The following LRRC4B variants were observed in gnomAD, a reference collection of about 807,000 sequenced individuals.
LRRC4B encodes leucine rich repeat containing 4B, also known as leucine-rich repeat-containing protein 4B.
In LRRC4B, 1 loss-of-function variant was observed where a neutral mutation model predicts 7.3. The observed-to-expected ratio is 0.14, with a 90% CI of 0.05 to 0.65. The LOEUF (loss-of-function observed/expected upper bound fraction) is 0.65, where lower values mean the gene tolerates loss of function less well. Ranked by LOEUF, LRRC4B falls within the 30% of genes least tolerant of loss-of-function variation. The pLI is 0.84. For synonymous variants in LRRC4B, 500 were observed against 499.2 expected (o/e 1.00, Z -0.02); for missense variants, 730 against 1,041.6 (o/e 0.70, Z 4.12).
At chr19:50,562,524 C>T (rs375891713) in intron 1 of LRRC4B, among the ~76,000 whole-genome samples, 25 of 152,184 alleles carry the variant, frequency 1.6e-4, no homozygotes, top group African/African-American at 4.8e-4. Flanking sequence ...ATCTCCTCTG[C>T]GTTTACCCCC....
Position 50,518,472 on chromosome 19 carries a change from G to C in LRRC4B, c.1241C>G (p.Ser414Cys). Residue 414 changes from serine (S) to cysteine (C), a missense_variant, in exon 3 of 3, where the codon TCC becomes TGC. By Grantham distance (112) the Ser-to-Cys change is moderately radical. This residue lies in a region of LRRC4B where 226 missense variants were observed against 448.0 expected (regional missense o/e 0.50). Transcript: ENST00000652263. Reference protein sequence around the residue: ...MTHGSYRVRISVLHDGTLNFT... With the variant: ...MTHGSYRVRICVLHDGTLNFT... ...GTTAAGCGTGCCGTCATGCAGGACG[G>C]AGATGCGCACGCGGTAGGAGCCGTG... 1 of 1,556,446 alleles carries C rather than the reference G, an allele frequency of 6.4e-7. No homozygotes were observed. The highest frequency in any genetic ancestry group is 8.7e-7 in the Non-Finnish European group (1 of 1,150,726).
chr19:50,548,490 G>T lies in LRRC4B; in HGVS notation c.297+52C>A. On this transcript the variant is annotated intron_variant, in intron 2 of 2. Transcript: ENST00000652263. The surrounding 1 kb of genome is among the most constrained non-coding windows in gnomAD (Gnocchi z 6.8). ...CAGAAGGGATGGGCTACATCTGCAT[G>T]CCTCCCCAGTGTCCCCTCCAAGGTC... 6.5e-7 allele frequency: 1 copy of T among 1,547,658 alleles called. No homozygotes were observed. The highest frequency in any genetic ancestry group is 1.2e-5 in the South Asian group (1 of 84,904).
intron 1 of LRRC4B, 140 bp from the exon 2 acceptor site, chr19:50,549,013 C>T: frequency 1.7e-6 from 1 of 577,712 alleles, no homozygotes; most frequent in South Asian, 2.3e-5. Context: ...AGGGAGACAG[C>T]TGCCGATGGA....
In LRRC4B at chr19:50,544,432, G is replaced by A. The variant is rs562744472; in HGVS notation, c.297+4110C>T. On this transcript the variant is annotated intron_variant, in intron 2 of 2. Coordinates refer to ENST00000652263, the MANE Select transcript of LRRC4B (RefSeq NM_001080457.2). ...TGAGGCAGGAGAATGGCGTGAACCC[G>A]GGAGGCGGAGCTTGCAGTGAGCCGA... Among the ~76,000 whole-genome samples, 54 of 151,814 alleles carry A rather than the reference G, an allele frequency of 3.6e-4. No homozygotes were observed. The South Asian group carries it at 8.1e-3, about 23-fold the overall frequency.
chr19:50,538,589 G>A (rs142308697), intron 2 of LRRC4B, among the ~76,000 whole-genome samples: 10,614 of 101,390 alleles, frequency 0.1, 581 homozygotes, highest in Middle Eastern at 0.22. Flanking sequence ...TTTTTTTTGA[G>A]ACAGAGTCTT....
intron 2 of LRRC4B, among the ~76,000 whole-genome samples, chr19:50,536,519 G>A (rs148020654): frequency 0.012 from 1,784 of 152,254 alleles, 22 homozygotes; most frequent in Middle Eastern, 0.054. Context: ...TCTGGGCCTC[G>A]GGTGGTGCCT....
chr19:50,558,733 A>G (rs1291246022), intron 1 of LRRC4B, among the ~76,000 whole-genome samples: 2 of 152,208 alleles, frequency 1.3e-5, no homozygotes, highest in Non-Finnish European at 2.9e-5. Context: ...TGTGGCAGCT[A>G]CTGTGTTGGA....
chr19:50,539,833 A>G (rs1253884986), intron 2 of LRRC4B, among the ~76,000 whole-genome samples: 1 of 150,726 alleles, frequency 6.6e-6, no homozygotes, highest in Admixed American at 6.7e-5. Flanking sequence ...GTTGCAGTGA[A>G]CCGAGATCGC....
At chr19:50,565,173 C>A (rs1000829185) in intron 1 of LRRC4B, among the ~76,000 whole-genome samples, 24 of 152,272 alleles carry the variant, frequency 1.6e-4, no homozygotes, top group African/African-American at 5.1e-4. Context: ...CGCTGGCACT[C>A]GGTTTGGTGT....
intron 1 of LRRC4B, among the ~76,000 whole-genome samples, chr19:50,558,218 CACACACACAT>C (rs1365175027): frequency 1.8e-4 from 26 of 144,310 alleles, no homozygotes; most frequent in African/African-American, 5.2e-4. Context: ...CACACACACA[CACACACACAT>C]ACACACACAC....
chr19:50,538,806 C>T (rs781317785), intron 2 of LRRC4B, among the ~76,000 whole-genome samples: 8 of 151,332 alleles, frequency 5.3e-5, no homozygotes, highest in Non-Finnish European at 1.0e-4. Context: ...TGAGCTCAAG[C>T]GATCCACCTG....
chr19:50,524,354 G>A (rs560306603), intron 2 of LRRC4B, among the ~76,000 whole-genome samples: 5 of 152,240 alleles, frequency 3.3e-5, no homozygotes, highest in African/African-American at 1.2e-4. Flanking sequence ...CAAGTGATCT[G>A]CTCGCCTCAG....
chr19:50,541,761 C>T (rs1981560007), intron 2 of LRRC4B, among the ~76,000 whole-genome samples: 1 of 152,304 alleles, frequency 6.6e-6, no homozygotes, highest in African/African-American at 2.4e-5. Flanking sequence ...TATCCTACGG[C>T]CCGGCAATTC....
At chr19:50,566,088 AGGAAGGTG>A (rs1982619298) in intron 1 of LRRC4B, among the ~76,000 whole-genome samples, 1 of 148,860 alleles carries the variant, frequency 6.7e-6, no homozygotes, top group Non-Finnish European at 1.5e-5. Flanking sequence ...GAGGAGGAGG[AGGAAGGTG>A]GGAAGGCGAA....
chr19:50,540,425 C>G lies in LRRC4B; in HGVS notation c.297+8117G>C, dbSNP rs562931690. On this transcript the variant is annotated intron_variant, in intron 2 of 2. Coordinates refer to ENST00000652263, the MANE Select transcript of LRRC4B (RefSeq NM_001080457.2). ...TTGCCTAGGCTGGAGTGCAGTGGCA[C>G]GATCTCAGCACACTACAACCTCCGC... Among the ~76,000 whole-genome samples, 3 of 152,246 alleles carry G rather than the reference C, an allele frequency of 2.0e-5. No homozygotes were observed. The East Asian group carries it at 5.8e-4, about 29-fold the overall frequency.
chr19:50,535,553 T>A (rs1244551747), intron 2 of LRRC4B, among the ~76,000 whole-genome samples: 1 of 152,236 alleles, frequency 6.6e-6, no homozygotes, highest in Admixed American at 6.5e-5. Context: ...GTTAATTTTT[T>A]TACATTCAGA....
Position 50,558,216 on chromosome 19 carries a change from CACACACACACAT to C in LRRC4B, c.-35-9355_-35-9344del, listed in dbSNP as rs1161825161. ...CTGTATACATACACACACACACACA[CACACACACACAT>C]ACACACACACATACATACATACACA... On this transcript the variant is annotated intron_variant, in intron 1 of 2. Coordinates refer to ENST00000652263, the MANE Select transcript of LRRC4B (RefSeq NM_001080457.2). Among the ~76,000 whole-genome samples the C allele has an allele frequency of 1.7e-3, 254 of 146,670 alleles. 1 individual carries two copies. The highest frequency in any genetic ancestry group is 2.7e-3 in the African/African-American group (101 of 36,756).
rs77648684 is a variant in LRRC4B, at chr19:50,550,598, C to T, written c.-35-1725G>A. Among the ~76,000 whole-genome samples the T allele has an allele frequency of 1.2e-3, 180 of 152,204 alleles. 4 individuals are homozygous for T. In the East Asian group the frequency reaches 0.026, roughly 22 times the overall value. On this transcript the variant is annotated intron_variant, in intron 1 of 2. Transcript: ENST00000652263. ...ACCCAGATAAAAATGTGTGTGCATA[C>T]GTCTGTGTATCTGAGTGCATGTGTG...
Position 50,518,066 on chromosome 19 carries a change from C to T in LRRC4B, c.1647G>A (p.Thr549=), listed in dbSNP as rs1286246791. The change falls in exon 3 of 3, where the codon ACG becomes ACA. Residue 549 remains threonine, a synonymous_variant. Coordinates refer to ENST00000652263, the MANE Select transcript of LRRC4B (RefSeq NM_001080457.2). The stretch of plus-strand genomic sequence containing the variant: ...TGATGGGCACCGTGAACGCCTTCTC[C>T]GTGGGCCGCGAGGAGCGCGGGGCGG... The part of the protein sequence containing the change: ...TAPAPRSSRP[T]EKAFTVPITD... 2 of 1,588,670 alleles carry T rather than the reference C, an allele frequency of 1.3e-6. No homozygotes were observed. Among genetic ancestry groups the T allele is most frequent in the Admixed American group, 1.8e-5 (1 of 54,096 alleles).
Sources: allele counts gnomAD v4.1 joint callset (sites outside exome capture counted in the v4.1 genomes callset), GRCh38; gene constraint gnomAD v4.1.1; regional missense constraint gnomAD v4.1.1; non-coding constraint Gnocchi (gnomAD v3.1); transcripts MANE v1.5; gene names NCBI Gene and HGNC (gene_info 2026-07-23, HGNC 2026-07-21).